ATP2A2: variants seen among roughly 807,000 people sequenced by gnomAD.
ATP2A2 encodes ATPase sarcoplasmic/endoplasmic reticulum Ca2+ transporting 2, also known as sarcoplasmic/endoplasmic reticulum calcium ATPase 2.
In ATP2A2, 14 loss-of-function variants were observed where a neutral mutation model predicts 109.3. The ratio of observed to expected loss-of-function variants is 0.13; its 90% CI spans 0.08 to 0.20. The LOEUF is 0.20. Among genes scored for constraint, ATP2A2 ranks in the 10% least tolerant of loss-of-function variants. The probability of loss-of-function intolerance (pLI) is 1.00; values close to 1 mark genes in which losing one functional copy is unlikely to be tolerated. For missense variants in ATP2A2, 657 were observed against 1,321.6 expected (o/e 0.50, Z 7.80); for synonymous variants, 506 against 490.9 (o/e 1.03, Z -0.41).
chr12:110,345,820 C>T, intron 18 of ATP2A2, 181 bp from the exon 19 acceptor site: 1 of 693,100 alleles, frequency 1.4e-6, no homozygotes, highest in Non-Finnish European at 2.6e-6. Context: ...ACAGAATTCA[C>T]AGTTTGTCCT....
chr12:110,347,792 G>A lies in ATP2A2; in HGVS notation c.*1322G>A. 3 of 1,051,718 alleles carry A rather than the reference G, an allele frequency of 2.9e-6. No individual in the cohort carries two copies. The highest frequency in any genetic ancestry group is 2.3e-6 in the Non-Finnish European group (2 of 869,112). 65.1% of individuals were successfully genotyped at this position (1,051,718 alleles called of 1,614,324 possible). On this transcript the variant is annotated 3_prime_UTR_variant, in exon 20 of 20. Transcript: ENST00000539276. ...TGCCTTCCAACATCCATCAACTAAC[G>A]TGAGTATTTTCTTCCTGGGATTTGG...
intron 5 of ATP2A2, among the ~76,000 whole-genome samples, chr12:110,310,088 C>A (rs1031667095): frequency 6.6e-6 from 1 of 151,894 alleles, no homozygotes; most frequent in African/African-American, 2.4e-5. Flanking sequence ...GTATTATCTG[C>A]TGACATGAAA....
intron 5 of ATP2A2, among the ~76,000 whole-genome samples, chr12:110,312,176 A>G (rs1339204708): frequency 6.6e-6 from 1 of 152,030 alleles, no homozygotes; most frequent in East Asian, 1.9e-4. Context: ...GAGACAGAGT[A>G]AAACTCTGTC....
intron 5 of ATP2A2, among the ~76,000 whole-genome samples, chr12:110,297,893 G>A (rs1290022230): frequency 6.6e-6 from 1 of 152,034 alleles, no homozygotes; most frequent in East Asian, 1.9e-4. Flanking sequence ...GGGATTACAG[G>A]TGTGCCCAGC....
chr12:110,314,756 C>G (rs867918965), intron 5 of ATP2A2, among the ~76,000 whole-genome samples: 2 of 151,882 alleles, frequency 1.3e-5, no homozygotes, highest in Non-Finnish European at 2.9e-5. Flanking sequence ...CTTATTATTA[C>G]TATACAGCCA....
At chr12:110,345,568 T>C (rs1879768889) in intron 18 of ATP2A2, 186 bp downstream of exon 18, 5 of 916,820 alleles carry the variant, frequency 5.5e-6, no homozygotes, top group Non-Finnish European at 8.3e-6. Flanking sequence ...TGGGAGTGCT[T>C]AGCCCTGTGT....
At chr12:110,296,874 C>G in intron 5 of ATP2A2, 137 bp downstream of exon 5, 1 of 1,020,690 alleles carries the variant, frequency 9.8e-7, no homozygotes, top group South Asian at 1.6e-5. Flanking sequence ...TCATACAAAT[C>G]CTACATTCTC....
chr12:110,327,182 C>T lies in ATP2A2; in HGVS notation c.631-371C>T, dbSNP rs573792982. ...CAAGATAGCCCATGGGGCTAGTTGC[C>T]GTTTCTATTACAGTGAGAAAAGTAG... On this transcript the variant is annotated intron_variant, in intron 7 of 19. Transcript: ENST00000539276. The surrounding 1 kb of genome is among the most constrained non-coding windows in gnomAD (Gnocchi z 4.4). 7.2e-5 allele frequency among the ~76,000 whole-genome samples: 11 copies of T among 152,220 alleles called. No homozygotes were observed. The highest frequency in any genetic ancestry group is 2.6e-4 in the African/African-American group (11 of 41,526).
chr12:110,293,755 T>C (rs1460053381), intron 4 of ATP2A2, among the ~76,000 whole-genome samples: 7 of 151,376 alleles, frequency 4.6e-5, no homozygotes, highest in Admixed American at 4.6e-4. Flanking sequence ...TACCAATAAA[T>C]GTTAACGATC....
intron 5 of ATP2A2, among the ~76,000 whole-genome samples, chr12:110,317,674 G>A (rs1018414621): frequency 2.6e-5 from 4 of 152,258 alleles, no homozygotes; most frequent in South Asian, 2.1e-4. Flanking sequence ...CACCATGCCC[G>A]GCTTGAATAA....
intron 3 of ATP2A2, among the ~76,000 whole-genome samples, chr12:110,288,032 T>C (rs560866546): frequency 1.7e-4 from 26 of 151,142 alleles, no homozygotes; most frequent in Non-Finnish European, 3.7e-4. Flanking sequence ...CTCAGACACC[T>C]GGGCTGAAGC....
In ATP2A2 at chr12:110,346,939, T is replaced by G; in HGVS notation, c.*469T>G. 1.8e-6 allele frequency: 2 copies of G among 1,095,286 alleles called. No individual in the cohort carries two copies. Among genetic ancestry groups the G allele is most frequent in the Non-Finnish European group, 2.2e-6 (2 of 897,190 alleles). The allele number at this position is 1,095,286 out of a possible 1,614,324, so 67.8% of individuals were successfully genotyped here. A position where few individuals can be genotyped will look rare whatever the true frequency, so the allele number is the denominator to read the frequency against. ...TAATTTTTATTCATAAGCCAATTTT[T>G]CTGCACTGAGCAGAGTCTTGCTACC... On this transcript the variant is annotated 3_prime_UTR_variant, in exon 20 of 20. Transcript: ENST00000539276.
rs762939960 is a variant in ATP2A2 at position 110,346,346 on chromosome 12, C to A, written c.3005C>A (p.Thr1002Asn). The change falls in exon 20 of 20, where the codon ACC (threonine) becomes AAC (asparagine). Residue 1002 changes from threonine to asparagine, a missense_variant. Physicochemically the swap from Thr to Asn is moderately conservative, Grantham distance 65. Around this residue, in one of 9 missense-constraint regions of ATP2A2, gnomAD observed 53 missense variants for 61.2 expected, o/e 0.87. Coordinates refer to ENST00000539276, the MANE Select transcript of ATP2A2 (RefSeq NM_170665.4). The part of the protein sequence containing the change: ...EPGKECVQPA[T>N]KSCSFSACTD... ...GGTAAAGAGTGTGTGCAGCCTGCCACCAAATCCTGCTCGTTCTCGGCATGC... is the reference window on the plus strand; with the variant it reads ...GGTAAAGAGTGTGTGCAGCCTGCCAACAAATCCTGCTCGTTCTCGGCATGC... 4.3e-6 allele frequency: 7 copies of A among 1,614,080 alleles called. No homozygotes were observed. The highest frequency in any genetic ancestry group is 5.9e-6 in the Non-Finnish European group (7 of 1,179,976).
In ATP2A2 at chr12:110,347,903, TG is replaced by T. The variant is rs972939103; in HGVS notation, c.*1434del. The T allele has an allele frequency of 8.7e-5, 86 of 993,722 alleles. No individual in the cohort carries two copies. In the Admixed American group the frequency reaches 1.7e-3, roughly 20 times the overall value. The allele number at this position is 993,722 out of a possible 1,614,324, so 61.6% of individuals were successfully genotyped here. A position where few individuals can be genotyped will look rare whatever the true frequency, so the allele number is the denominator to read the frequency against. On this transcript the variant is annotated 3_prime_UTR_variant, in exon 20 of 20. Coordinates refer to ENST00000539276, the MANE Select transcript of ATP2A2 (RefSeq NM_170665.4). The stretch of plus-strand genomic sequence containing the variant: ...GCCGCCTCCATGGCAGATGCTGCTG[TG>T]CTCCCTGATGCCCTGTGAGCACCGG...
Position 110,282,135 on chromosome 12 carries a change from G to C in ATP2A2, c.118+228G>C, listed in dbSNP as rs577434710. On this transcript the variant is annotated intron_variant, in intron 1 of 19. Coordinates refer to ENST00000539276, the MANE Select transcript of ATP2A2 (RefSeq NM_170665.4). Reference sequence around the variant, plus strand: ...GCCCTCGACCTTTTCGGCGCGCAAGGCTCGGAGGCTTCTCTCCAGCAGCAG... The same window carrying C: ...GCCCTCGACCTTTTCGGCGCGCAAGCCTCGGAGGCTTCTCTCCAGCAGCAG... 3.3e-4 allele frequency among the ~76,000 whole-genome samples: 51 copies of C among 152,302 alleles called. 1 individual carries two copies. The highest frequency in any genetic ancestry group is 1.2e-3 in the African/African-American group (50 of 41,580).
At chr12:110,295,387 C>T (rs1466596956) in intron 4 of ATP2A2, among the ~76,000 whole-genome samples, 1 of 152,110 alleles carries the variant, frequency 6.6e-6, no homozygotes, top group Admixed American at 6.6e-5. Context: ...TGGTCTGGAA[C>T]TCTTGGGCTC....
At position 110,340,579 on chromosome 12, in the gene ATP2A2, T is replaced by C; in HGVS notation, c.1762-80T>C. On this transcript the variant is annotated intron_variant, in intron 13 of 19. Transcript: ENST00000539276. The surrounding 1 kb of genome is among the most constrained non-coding windows in gnomAD (Gnocchi z 6.0). The stretch of plus-strand genomic sequence containing the variant: ...AAAAAAATGCAGAAACCTGTCTCAA[T>C]GTTTAACTGGGCATTTTTCAAACTA... 7.0e-7 allele frequency: 1 copy of C among 1,428,132 alleles called. No homozygotes were observed. Among genetic ancestry groups the C allele is most frequent in the East Asian group, 2.3e-5 (1 of 43,946 alleles). The allele number at this position is 1,428,132 out of a possible 1,614,324, so 88.5% of individuals were successfully genotyped here. A position where few individuals can be genotyped will look rare whatever the true frequency, so the allele number is the denominator to read the frequency against.
chr12:110,333,341 T>C (rs1350709092), intron 10 of ATP2A2, 58 bp downstream of exon 10: 73 of 1,468,262 alleles, frequency 5.0e-5, no homozygotes, highest in Non-Finnish European at 6.9e-5. Flanking sequence ...GTGGGGTGGG[T>C]GGAATGAAAG....
intron 3 of ATP2A2, among the ~76,000 whole-genome samples, chr12:110,286,328 T>C (rs1000459432): frequency 7.9e-5 from 12 of 152,212 alleles, no homozygotes; most frequent in African/African-American, 1.2e-4. Flanking sequence ...AAGAGAATAC[T>C]CAAAGCATTT....
Sources: gnomAD v4.1 joint callset for allele counts (sites outside exome capture counted in the v4.1 genomes callset) on GRCh38, gnomAD v4.1.1 for gene constraint, gnomAD v4.1.1 regional missense constraint, Gnocchi (gnomAD v3.1) non-coding constraint, MANE v1.5 for transcripts, NCBI Gene and HGNC (gene_info 2026-07-23, HGNC 2026-07-21) for gene names.